PDGFRB: variants seen among roughly 807,000 people sequenced by gnomAD.
PDGFRB encodes the protein platelet derived growth factor receptor beta, also known as platelet-derived growth factor receptor beta.
Under a neutral mutation model 120.2 loss-of-function variants are expected in PDGFRB, and 42 were observed. That is an observed-to-expected ratio of 0.35 (90% CI 0.27 to 0.45). The LOEUF is 0.45. Among genes scored for constraint, PDGFRB ranks in the 20% least tolerant of loss-of-function variants. The probability of loss-of-function intolerance (pLI) is 1.00; values close to 1 mark genes in which losing one functional copy is unlikely to be tolerated. For missense variants in PDGFRB, 1,149 were observed against 1,476.3 expected (o/e 0.78, Z 3.63); for synonymous variants, 586 against 606.8 (o/e 0.97, Z 0.50).
chr5:150,118,970 G>T, intron 20 of PDGFRB, 118 bp from the exon 21 acceptor site: 1 of 657,634 alleles, frequency 1.5e-6, no homozygotes, highest in Non-Finnish European at 2.7e-6. Flanking sequence ...AGGAGCTGGA[G>T]GGAAGTGGTG....
intron 1 of PDGFRB, among the ~76,000 whole-genome samples, chr5:150,151,286 T>A (rs892160490): frequency 4.6e-5 from 7 of 152,148 alleles, no homozygotes; most frequent in African/African-American, 1.4e-4. Flanking sequence ...AACCTCCTCG[T>A]TTGACTGATG....
chr5:150,121,189 C>T lies in PDGFRB; in HGVS notation c.2463+15G>A, dbSNP rs775722659. On this transcript the variant is annotated intron_variant, in intron 17 of 22. Coordinates refer to ENST00000261799, the MANE Select transcript of PDGFRB (RefSeq NM_002609.4). The surrounding 1 kb of genome is among the most constrained non-coding windows in gnomAD (Gnocchi z 4.1). ...CCCCACAGCCCCCACTCTGCCCCACCAACACCACACGTACGTTCTTGGAGG... is the reference window on the plus strand; with the variant it reads ...CCCCACAGCCCCCACTCTGCCCCACTAACACCACACGTACGTTCTTGGAGG... 54 of 1,418,728 alleles carry T rather than the reference C, an allele frequency of 3.8e-5. No homozygotes were observed. The highest frequency in any genetic ancestry group is 4.5e-5 in the Non-Finnish European group (45 of 1,001,598). 87.9% of individuals were successfully genotyped at this position (1,418,728 alleles called of 1,614,324 possible). A position where few individuals can be genotyped will look rare whatever the true frequency, so the allele number is the denominator to read the frequency against.
rs1201636269 is a variant in PDGFRB, at chr5:150,115,762, C to G, written c.*1G>C. The G allele has an allele frequency of 6.3e-7, 1 of 1,596,798 alleles. No homozygotes were observed. The highest frequency in any genetic ancestry group is 8.5e-7 in the Non-Finnish European group (1 of 1,170,962). ...GGCAGGGCAGGGTAGGGGCCAGCCC[C>G]CTACAGGAAGCTATCCTCTGCTTCC... On this transcript the variant is annotated 3_prime_UTR_variant, in exon 23 of 23. Transcript: ENST00000261799.
intron 4 of PDGFRB, 24 bp from the exon 5 acceptor site, chr5:150,134,032 G>A (rs2113909487): frequency 3.7e-6 from 6 of 1,612,806 alleles, no homozygotes; most frequent in Non-Finnish European, 5.1e-6. Context: ...ATTGGCTTAG[G>A]TCTGGGGAAG....
intron 15 of PDGFRB, 37 bp from the exon 16 acceptor site, chr5:150,122,077 C>T: frequency 6.3e-7 from 1 of 1,582,528 alleles, no homozygotes. Context: ...AGCCTGCAGG[C>T]TTTGCCTTCC....
chr5:150,136,961 C>T (rs373836710), intron 2 of PDGFRB, 47 bp downstream of exon 2: 10 of 1,491,414 alleles, frequency 6.7e-6, no homozygotes, highest in Non-Finnish European at 7.5e-6. Flanking sequence ...TCCAGGGTTC[C>T]ACTCCGCAGC....
At chr5:150,149,923 T>C (rs1191639840) in intron 1 of PDGFRB, among the ~76,000 whole-genome samples, 1 of 152,170 alleles carries the variant, frequency 6.6e-6, no homozygotes, top group African/African-American at 2.4e-5. Context: ...AGAAGCATGG[T>C]AGGAACTCTC....
intron 1 of PDGFRB, among the ~76,000 whole-genome samples, chr5:150,148,756 G>C (rs3776079): frequency 1.3e-5 from 2 of 152,096 alleles, no homozygotes; most frequent in Non-Finnish European, 2.9e-5. Flanking sequence ...AGTAAATGGT[G>C]ACTAACAACA....
In PDGFRB at chr5:150,133,640, T is replaced by C. The variant is rs61732347; in HGVS notation, c.880A>G (p.Thr294Ala). 26 of 1,613,972 alleles carry C rather than the reference T, an allele frequency of 1.6e-5. No individual in the cohort carries two copies. The highest frequency in any genetic ancestry group is 3.3e-5 in the Admixed American group (2 of 60,010). ...EDSGTYTCNV[T>A]ESVNDHQDEK... Reference sequence around the variant, plus strand: ...TCCTGATGGTCATTCACACTCTCCGTCACATTGCAGGTGTAGGTCCCCGAG... The same window carrying C: ...TCCTGATGGTCATTCACACTCTCCGCCACATTGCAGGTGTAGGTCCCCGAG... Residue 294 changes from threonine to alanine, a missense_variant, in exon 6 of 23, where the codon ACG (threonine) becomes GCG (alanine). By Grantham distance (58) the Thr-to-Ala change is moderately conservative (BLOSUM62 0). Around this residue, in one of 3 missense-constraint regions of PDGFRB, gnomAD observed 879 missense variants for 1,108.6 expected, o/e 0.79. Transcript: ENST00000261799.
rs371399585 is a variant in PDGFRB at position 150,120,954 on chromosome 5, G to A, written c.2520C>T (p.Val840=). Residue 840 remains valine (V), a synonymous_variant, in exon 18 of 23, where the codon GTC becomes GTT. Coordinates refer to ENST00000261799, the MANE Select transcript of PDGFRB (RefSeq NM_002609.4). This position sits in a 1 kb window ranked among gnomAD's most constrained non-coding sequence, Gnocchi z 4.3. Reference sequence around the variant, plus strand: ...GAGCCAGGCCAAAGTCACAGATCTTGACCAGCTTGCCTTCACAGATGAGCA... The same window carrying A: ...GAGCCAGGCCAAAGTCACAGATCTTAACCAGCTTGCCTTCACAGATGAGCA... ...RNVLICEGKL[V]KICDFGLARD... 22 of 1,613,876 alleles carry A rather than the reference G, an allele frequency of 1.4e-5. No homozygotes were observed. The African/African-American group carries it at 2.0e-4, about 15-fold the overall frequency.
chr5:150,139,757 G>A (rs1198344563), intron 1 of PDGFRB, among the ~76,000 whole-genome samples: 3 of 152,062 alleles, frequency 2.0e-5, no homozygotes, highest in South Asian at 2.1e-4. Flanking sequence ...CGAGCCAGGC[G>A]GATCACGAGG....
Position 150,121,240 on chromosome 5 carries a change from C to T in PDGFRB, c.2427G>A (p.Gln809=), listed in dbSNP as rs2113889688. 2 of 1,604,402 alleles carry T rather than the reference C, an allele frequency of 1.2e-6. No homozygotes were observed. The highest frequency in any genetic ancestry group is 2.2e-5 in the South Asian group (2 of 90,892). ...CCAGAAACTCCATGCCATTGGCCACCTGGTAGCTGAAGCCCACGAGGTCCA... is the reference window on the plus strand; with the variant it reads ...CCAGAAACTCCATGCCATTGGCCACTTGGTAGCTGAAGCCCACGAGGTCCA... The part of the protein sequence containing the change: ...SYMDLVGFSY[Q]VANGMEFLAS... Residue 809 remains glutamine, a synonymous_variant, in exon 17 of 23, where the codon CAG becomes CAA. Coordinates refer to ENST00000261799, the MANE Select transcript of PDGFRB (RefSeq NM_002609.4). This position sits in a 1 kb window ranked among gnomAD's most constrained non-coding sequence, Gnocchi z 4.1.
intron 1 of PDGFRB, among the ~76,000 whole-genome samples, chr5:150,151,597 G>A (rs1004065516): frequency 5.3e-5 from 8 of 152,164 alleles, no homozygotes; most frequent in African/African-American, 1.4e-4. Context: ...GGTGGCTCAC[G>A]CCTGTAATCC....
chr5:150,120,078 T>C lies in PDGFRB; in HGVS notation c.2632A>G (p.Ser878Gly). Reference sequence around the variant, plus strand: ...ACGTCGCTCAGGGTGGTGTAGAGGCTGTTGAAGATGCTCTCCGGAGCCATC... The same window carrying C: ...ACGTCGCTCAGGGTGGTGTAGAGGCCGTTGAAGATGCTCTCCGGAGCCATC... Reference protein sequence around the residue: ...KWMAPESIFNSLYTTLSDVWS... With the variant: ...KWMAPESIFNGLYTTLSDVWS... The change falls in exon 19 of 23, where the codon AGC becomes GGC. Residue 878 changes from serine (S) to glycine (G), a missense_variant. By Grantham distance (56) the Ser-to-Gly change is moderately conservative. Coordinates refer to ENST00000261799, the MANE Select transcript of PDGFRB (RefSeq NM_002609.4). The surrounding 1 kb of genome is among the most constrained non-coding windows in gnomAD (Gnocchi z 4.3). 3 of 1,607,126 alleles carry C rather than the reference T, an allele frequency of 1.9e-6. No homozygotes were observed. Among genetic ancestry groups the C allele is most frequent in the South Asian group, 2.2e-5 (2 of 90,924 alleles).
At chr5:150,143,291 G>C (rs1490557366) in intron 1 of PDGFRB, among the ~76,000 whole-genome samples, 1 of 152,234 alleles carries the variant, frequency 6.6e-6, no homozygotes, top group Non-Finnish European at 1.5e-5. Flanking sequence ...GCAGCTAAGG[G>C]TGACTACTGT....
At chr5:150,134,181 T>C in intron 4 of PDGFRB, 173 bp from the exon 5 acceptor site, 1 of 641,370 alleles carries the variant, frequency 1.6e-6, no homozygotes. Flanking sequence ...TTCTGGACAC[T>C]GGAGCAACAG....
intron 1 of PDGFRB, among the ~76,000 whole-genome samples, chr5:150,149,877 G>A (rs1352036051): frequency 6.6e-6 from 1 of 152,198 alleles, no homozygotes; most frequent in East Asian, 1.9e-4. Context: ...GAAGGTAACA[G>A]AGCAGCAGCA....
intron 1 of PDGFRB, among the ~76,000 whole-genome samples, chr5:150,152,503 C>G (rs189325459): frequency 6.6e-6 from 1 of 152,184 alleles, no homozygotes; most frequent in African/African-American, 2.4e-5. Context: ...ATTCCAAGAA[C>G]CCACTGCCCA....
chr5:150,141,754 ATG>A (rs58579903), intron 1 of PDGFRB, among the ~76,000 whole-genome samples: 1 of 151,302 alleles, frequency 6.6e-6, no homozygotes, highest in African/African-American at 2.4e-5. Flanking sequence ...GCAGAAGTGT[ATG>A]TGTGTGTGTG....
Sources: allele counts gnomAD v4.1 joint callset (sites outside exome capture counted in the v4.1 genomes callset), GRCh38; gene constraint gnomAD v4.1.1; regional missense constraint gnomAD v4.1.1; non-coding constraint Gnocchi (gnomAD v3.1); transcripts MANE v1.5; gene names NCBI Gene and HGNC (gene_info 2026-07-23, HGNC 2026-07-21).